Variants in ALPK1 observed in about 807,000 individuals in gnomAD.
ALPK1 encodes the protein alpha-protein kinase 1.
A neutral mutation model predicts 120.6 loss-of-function variants in ALPK1; 110 were observed. That is an observed-to-expected ratio of 0.91 (90% confidence interval 0.78 to 1.07). ALPK1 has a LOEUF of 1.07. Ranked by LOEUF, ALPK1 falls within the 50% of genes least tolerant of loss-of-function variation. The pLI, the probability that ALPK1 is intolerant of heterozygous loss-of-function variation, is 0.00. For synonymous variants in ALPK1, 582 were observed against 560.3 expected (o/e 1.04, Z -0.55); for missense variants, 1,498 against 1,483.9 (o/e 1.01, Z -0.16).
intron 4 of ALPK1, among the ~76,000 whole-genome samples, chr4:112,390,809 C>T (rs181366855): frequency 1.3e-5 from 2 of 152,200 alleles, no homozygotes; most frequent in Admixed American, 1.3e-4. Context: ...TAAATGTTTC[C>T]TGATAAAGAA....
chr4:112,300,740 G>T (rs1727749855), intron 1 of ALPK1, among the ~76,000 whole-genome samples: 1 of 150,670 alleles, frequency 6.6e-6, no homozygotes, highest in Non-Finnish European at 1.5e-5. Context: ...TGGAAATTTG[G>T]CCTGACCTGT....
In ALPK1 at chr4:112,430,921, C is replaced by T. The variant is rs567998167; in HGVS notation, c.1374C>T (p.Thr458=). 1.1e-5 allele frequency: 18 copies of T among 1,614,102 alleles called. No homozygotes were observed. The African/African-American group carries it at 1.9e-4, about 17-fold the overall frequency. ...GGGATTTCCAAAAAATCCTTGACAC[C>T]TATTCACAGCACCATACTTCGGTGT... ...GQGDFQKILD[T]YSQHHTSVCE... Residue 458 remains threonine (T), a synonymous_variant, in exon 11 of 16, where the codon ACC becomes ACT. Transcript: ENST00000650871.
chr4:112,301,848 G>T (rs1024782685), intron 1 of ALPK1, among the ~76,000 whole-genome samples: 3 of 152,104 alleles, frequency 2.0e-5, no homozygotes, highest in African/African-American at 7.2e-5. Flanking sequence ...TACGTCCTGG[G>T]CTAGGCTCAC....
chr4:112,360,796 A>T (rs1321169280), intron 2 of ALPK1, among the ~76,000 whole-genome samples: 9 of 152,156 alleles, frequency 5.9e-5, no homozygotes, highest in Admixed American at 5.9e-4. Context: ...CTTCTTGTTT[A>T]CATTTTTGCT....
chr4:112,428,598 C>A (rs1378542486), intron 9 of ALPK1, among the ~76,000 whole-genome samples: 3 of 152,144 alleles, frequency 2.0e-5, no homozygotes, highest in Non-Finnish European at 4.4e-5. Flanking sequence ...GCCTCCCTAA[C>A]CCCTTCTCCA....
chr4:112,377,935 C>T (rs1414224517), intron 3 of ALPK1, 37 bp downstream of exon 3: 1 of 1,576,618 alleles, frequency 6.3e-7, no homozygotes, highest in South Asian at 1.2e-5. Context: ...GGTGAACCAG[C>T]AGGTTCACTC....
chr4:112,377,656 T>C (rs1731726060), intron 2 of ALPK1, 22 bp from the exon 3 acceptor site: 3 of 939,234 alleles, frequency 3.2e-6, no homozygotes, highest in Non-Finnish European at 4.6e-6. Context: ...TTAATCATCT[T>C]TCCCTCTCTT....
At chr4:112,334,727 T>A (rs1200484637) in intron 2 of ALPK1, among the ~76,000 whole-genome samples, 1 of 152,164 alleles carries the variant, frequency 6.6e-6, no homozygotes, top group African/African-American at 2.4e-5. Context: ...TTAAACTAGG[T>A]AACTCAGAGG....
At chr4:112,313,194 A>G (rs902948811) in intron 1 of ALPK1, among the ~76,000 whole-genome samples, 1 of 152,250 alleles carries the variant, frequency 6.6e-6, no homozygotes, top group Non-Finnish European at 1.5e-5. Flanking sequence ...CATGAACTGA[A>G]TGAAGTCACC....
chr4:112,390,789 G>A (rs561121391), intron 4 of ALPK1, among the ~76,000 whole-genome samples: 1 of 152,176 alleles, frequency 6.6e-6, no homozygotes, highest in Non-Finnish European at 1.5e-5. Flanking sequence ...AGGCATTTAA[G>A]TAAATGCCTT....
intron 4 of ALPK1, among the ~76,000 whole-genome samples, chr4:112,399,628 C>T (rs1249301682): frequency 3.3e-5 from 5 of 152,008 alleles, no homozygotes; most frequent in East Asian, 1.9e-4. Flanking sequence ...ATGTACAGAA[C>T]GTGCAGGTTT....
In ALPK1 at chr4:112,362,072, A is replaced by G. The variant is rs538506062; in HGVS notation, c.-100-15606A>G. Among the ~76,000 whole-genome samples the G allele has an allele frequency of 1.1e-4, 16 of 152,362 alleles. No individual in the cohort carries two copies. In the South Asian group the frequency reaches 3.1e-3, roughly 30 times the overall value. ...CACATCAAGGGAGCACCTATGGGAC[A>G]AAAGAACCTGAACAGCAGATCTGAG... On this transcript the variant is annotated intron_variant, in intron 2 of 15. Coordinates refer to ENST00000650871, the MANE Select transcript of ALPK1 (RefSeq NM_025144.4).
intron 2 of ALPK1, among the ~76,000 whole-genome samples, chr4:112,331,714 G>A (rs1386733891): frequency 6.6e-6 from 1 of 152,220 alleles, no homozygotes. Context: ...TGGGTCTAAG[G>A]AGATGTGGCA....
intron 2 of ALPK1, among the ~76,000 whole-genome samples, chr4:112,351,496 T>A (rs1301830457): frequency 1.3e-5 from 2 of 150,812 alleles, no homozygotes; most frequent in East Asian, 3.9e-4. Flanking sequence ...TTTTTTTTTA[T>A]AGAGTCTTGC....
intron 2 of ALPK1, among the ~76,000 whole-genome samples, chr4:112,346,049 G>A (rs563609835): frequency 1.2e-4 from 18 of 152,186 alleles, no homozygotes; most frequent in Non-Finnish European, 2.5e-4. Flanking sequence ...TTTTAGTAGA[G>A]ATGGGGTTTC....
At position 112,301,822 on chromosome 4, in the gene ALPK1, G is replaced by A. The variant is rs142070313; in HGVS notation, c.-153+4353G>A. On this transcript the variant is annotated intron_variant, in intron 1 of 15. Coordinates refer to ENST00000650871, the MANE Select transcript of ALPK1 (RefSeq NM_025144.4). Reference sequence around the variant, plus strand: ...AGTGCAGTGATGTGATTGTGATCACGGCTCATTGCAAGTTCTACGTCCTGG... The same window carrying A: ...AGTGCAGTGATGTGATTGTGATCACAGCTCATTGCAAGTTCTACGTCCTGG... 2.0e-5 allele frequency among the ~76,000 whole-genome samples: 3 copies of A among 152,146 alleles called. No homozygotes were observed. In the East Asian group the frequency reaches 5.8e-4, roughly 29 times the overall value.
chr4:112,405,172 A>G (rs1733109516), intron 4 of ALPK1, among the ~76,000 whole-genome samples: 1 of 152,132 alleles, frequency 6.6e-6, no homozygotes, highest in South Asian at 2.1e-4. Context: ...TGAACTCACT[A>G]CCTGGGCCTC....
rs113231748 is a variant in ALPK1, at chr4:112,314,878, T to A, written c.-152-923T>A. 3.0e-5 allele frequency among the ~76,000 whole-genome samples: 3 copies of A among 100,330 alleles called. 1 individual carries two copies. Among genetic ancestry groups the A allele is most frequent in the African/African-American group, 1.1e-4 (3 of 26,984 alleles). The allele number at this position is 100,330 out of a possible 152,430, so 65.8% of individuals were successfully genotyped here. A position where few individuals can be genotyped will look rare whatever the true frequency, so the allele number is the denominator to read the frequency against. ...TACTGGGAAGAGTAATCCATTGCCT[T>A]TTTTTTTTTTTTTTTTTTTTTTGAG... is the stretch of plus-strand genomic sequence containing the variant. On this transcript the variant is annotated intron_variant, in intron 1 of 15. Coordinates refer to ENST00000650871, the MANE Select transcript of ALPK1 (RefSeq NM_025144.4).
intron 8 of ALPK1, among the ~76,000 whole-genome samples, chr4:112,427,078 G>A (rs1345065790): frequency 1.3e-5 from 2 of 152,122 alleles, no homozygotes; most frequent in African/African-American, 4.8e-5. Flanking sequence ...TACTGTCTAC[G>A]ATTCTTTTAC....
Sources: gnomAD v4.1 joint callset for allele counts (sites outside exome capture counted in the v4.1 genomes callset) on GRCh38, gnomAD v4.1.1 for gene constraint, MANE v1.5 for transcripts, NCBI Gene and HGNC (gene_info 2026-07-23, HGNC 2026-07-21) for gene names.